SGCD: variants seen among roughly 807,000 people sequenced by gnomAD.
SGCD encodes delta-sarcoglycan.
Under a neutral mutation model 36.6 loss-of-function variants are expected in SGCD, and 18 were observed. The observed-to-expected ratio is 0.49, with a 90% confidence interval of 0.34 to 0.73. The LOEUF is 0.73. SGCD is among the 30% of genes least tolerant of loss of function. The probability of loss-of-function intolerance (pLI) is 0.01; values close to 1 mark genes in which losing one functional copy is unlikely to be tolerated. For missense variants in SGCD, 387 were observed against 346.7 expected, an observed-to-expected ratio of 1.12 and a Z score of -0.92; for synonymous variants, 133 against 130.6, an observed-to-expected ratio of 1.02 and a Z score of -0.12.
chr5:156,735,788 C>T (rs1481911085), intron 7 of SGCD, among the ~76,000 whole-genome samples: 2 of 152,130 alleles, frequency 1.3e-5, no homozygotes, highest in East Asian at 1.9e-4. Context: ...CTATGGTGGT[C>T]TAACCTCCTG....
At chr5:155,805,778 G>A in the SGCD span, among the ~76,000 whole-genome samples, 204 of 152,286 alleles carry the variant, frequency 1.3e-3, 1 homozygote, top group Non-Finnish European at 2.1e-4. Flanking sequence ...AAGAGCTTCA[G>A]GCATCTGGTG....
At chr5:156,606,956 G>A (rs1034848312) in intron 6 of SGCD, among the ~76,000 whole-genome samples, 4 of 152,150 alleles carry the variant, frequency 2.6e-5, no homozygotes, top group African/African-American at 9.7e-5. Flanking sequence ...CTGAGACGAT[G>A]GGGTTTTCTG....
the SGCD span, among the ~76,000 whole-genome samples, chr5:155,823,512 C>T: frequency 6.6e-6 from 1 of 152,056 alleles, no homozygotes; most frequent in African/African-American, 2.4e-5. Context: ...ATCTGGGCAC[C>T]CCATGACCCA....
chr5:156,253,907 AG>A (rs902130467), intron 3 of SGCD, among the ~76,000 whole-genome samples: 1 of 152,220 alleles, frequency 6.6e-6, no homozygotes, highest in African/African-American at 2.4e-5. Context: ...TGGAATGTTA[AG>A]TTGATTATAC....
chr5:156,757,983 CTT>C (rs571297570), intron 8 of SGCD: 621 of 1,229,408 alleles, frequency 5.1e-4, no homozygotes, highest in Middle Eastern at 3.1e-3. Flanking sequence ...CAAATTCTCT[CTT>C]GTCACCTTAA....
intron 3 of SGCD, among the ~76,000 whole-genome samples, chr5:156,189,518 G>C (rs1229903327): frequency 6.6e-6 from 1 of 152,086 alleles, no homozygotes; most frequent in Non-Finnish European, 1.5e-5. Context: ...ATTTAATTAA[G>C]ATAATCTCTT....
At chr5:156,180,197 A>G (rs1763568581) in intron 3 of SGCD, among the ~76,000 whole-genome samples, 1 of 152,206 alleles carries the variant, frequency 6.6e-6, no homozygotes, top group Non-Finnish European at 1.5e-5. Flanking sequence ...AAACTGCAAT[A>G]GCATTTCCTT....
chr5:156,078,647 C>T (rs1384435619), intron 1 of SGCD, among the ~76,000 whole-genome samples: 1 of 142,336 alleles, frequency 7.0e-6, no homozygotes, highest in African/African-American at 2.6e-5. Context: ...TATTTATATA[C>T]ACACACACAT....
At chr5:156,694,403 C>T (rs1344267298) in intron 7 of SGCD, among the ~76,000 whole-genome samples, 1 of 152,166 alleles carries the variant, frequency 6.6e-6, no homozygotes, top group African/African-American at 2.4e-5. Flanking sequence ...ATAGCCAACT[C>T]GATTATTCTG....
the SGCD span, among the ~76,000 whole-genome samples, chr5:155,747,368 A>G: frequency 6.6e-6 from 1 of 152,202 alleles, no homozygotes; most frequent in African/African-American, 2.4e-5. Context: ...TCTGGAATTG[A>G]TTGACTTTCA....
intron 1 of SGCD, among the ~76,000 whole-genome samples, chr5:156,040,391 T>A (rs1314538426): frequency 6.6e-6 from 1 of 152,214 alleles, no homozygotes; most frequent in Non-Finnish European, 1.5e-5. Context: ...ATCCCACAAA[T>A]TGTGTAAGCT....
chr5:156,753,891 T>C (rs1757244559), intron 7 of SGCD, among the ~76,000 whole-genome samples: 1 of 152,182 alleles, frequency 6.6e-6, no homozygotes, highest in Admixed American at 6.5e-5. Flanking sequence ...AGCCAAACCA[T>C]ATCAAGGAGC....
At chr5:156,170,808 C>T (rs78919425) in intron 3 of SGCD, among the ~76,000 whole-genome samples, 3,307 of 152,250 alleles carry the variant, frequency 0.022, 125 homozygotes, top group African/African-American at 0.076. Flanking sequence ...AATCACATGC[C>T]GTCTCCCCAT....
intron 3 of SGCD, among the ~76,000 whole-genome samples, chr5:156,402,762 G>T (rs1397836416): frequency 3.3e-5 from 5 of 152,144 alleles, no homozygotes; most frequent in Non-Finnish European, 7.4e-5. Flanking sequence ...TCTCTGCAGG[G>T]GAAAGTCCCC....
chr5:156,244,885 T>A (rs1236872426), intron 3 of SGCD, among the ~76,000 whole-genome samples: 1 of 152,226 alleles, frequency 6.6e-6, no homozygotes, highest in Non-Finnish European at 1.5e-5. Flanking sequence ...ATGTGGCCAA[T>A]CTTGTTTCAT....
At chr5:156,378,515 A>T (rs932048483) in intron 3 of SGCD, among the ~76,000 whole-genome samples, 1 of 152,158 alleles carries the variant, frequency 6.6e-6, no homozygotes, top group Non-Finnish European at 1.5e-5. Context: ...ACAGTTTAAT[A>T]AATGTTTTCC....
upstream of SGCD, among the ~76,000 whole-genome samples, chr5:156,325,240 C>A (rs1767776448): frequency 6.6e-6 from 1 of 151,652 alleles, no homozygotes; most frequent in African/African-American, 2.4e-5. Context: ...GTGACAGGCC[C>A]CTATTACATA....
chr5:156,068,110 A>G (rs1336707248), intron 1 of SGCD, among the ~76,000 whole-genome samples: 1 of 143,600 alleles, frequency 7.0e-6, no homozygotes, highest in Admixed American at 6.9e-5. Context: ...TTTTATTTTT[A>G]TTTTATTTTA....
chr5:156,252,479 G>A (rs779394187), intron 3 of SGCD, among the ~76,000 whole-genome samples: 17 of 152,262 alleles, frequency 1.1e-4, no homozygotes, highest in Admixed American at 5.9e-4. Flanking sequence ...AGTATTTTGC[G>A]TCCTTTTTTA....
Sources: gnomAD v4.1 joint callset for allele counts (sites outside exome capture counted in the v4.1 genomes callset) on GRCh38, gnomAD v4.1.1 for gene constraint, MANE v1.5 for transcripts, NCBI Gene and HGNC (gene_info 2026-07-23, HGNC 2026-07-21) for gene names.